TRIO: variants seen among roughly 807,000 people sequenced by gnomAD.
The protein encoded by TRIO is triple functional domain protein.
TRIO carries 58 observed loss-of-function variants against 351.9 expected under a neutral mutation model. The observed-to-expected ratio is 0.16, with a 90% CI of 0.13 to 0.21. TRIO has a LOEUF of 0.21. TRIO is among the 10% of genes least tolerant of loss of function. The pLI is 1.00. For synonymous variants in TRIO, 1,758 were observed against 1,595.7 expected, an observed-to-expected ratio of 1.10 and a Z score of -2.42; for missense variants, 3,201 against 4,027.8, an observed-to-expected ratio of 0.79 and a Z score of 5.56.
intron 27 of TRIO, among the ~76,000 whole-genome samples, chr5:14,391,955 G>T (rs1245329379): frequency 2.0e-5 from 3 of 152,130 alleles, no homozygotes; most frequent in Admixed American, 6.5e-5. Flanking sequence ...GCCTTTTCTT[G>T]TTAATATTTC....
chr5:14,176,242 C>T (rs1031463480), intron 1 of TRIO, among the ~76,000 whole-genome samples: 3 of 152,106 alleles, frequency 2.0e-5, no homozygotes, highest in Admixed American at 6.5e-5. Flanking sequence ...GAAGCTGAGG[C>T]GGGCGGATCA....
intron 34 of TRIO, among the ~76,000 whole-genome samples, chr5:14,434,034 C>G (rs532446720): frequency 6.6e-6 from 1 of 152,206 alleles, no homozygotes; most frequent in Admixed American, 6.5e-5. Flanking sequence ...CTCCTTTTGG[C>G]AGAAATTACT....
chr5:14,293,534 CCTG>C (rs1737088314), intron 6 of TRIO, among the ~76,000 whole-genome samples: 1 of 152,186 alleles, frequency 6.6e-6, no homozygotes, highest in African/African-American at 2.4e-5. Context: ...AAGGAGCAAG[CCTG>C]CTGCTGACCT....
At chr5:14,218,803 T>C (rs1472954725) in intron 1 of TRIO, among the ~76,000 whole-genome samples, 1 of 152,238 alleles carries the variant, frequency 6.6e-6, no homozygotes, top group Non-Finnish European at 1.5e-5. Context: ...CAATTCCTGG[T>C]TGAAACATGG....
intron 47 of TRIO, among the ~76,000 whole-genome samples, chr5:14,486,557 T>A (rs1354376870): frequency 1.3e-5 from 2 of 152,172 alleles, no homozygotes; most frequent in African/African-American, 2.4e-5. Flanking sequence ...TGAGTTCCAA[T>A]CCATAGCTTG....
intron 1 of TRIO, among the ~76,000 whole-genome samples, chr5:14,213,202 A>AT (rs1321449076): frequency 1.3e-5 from 2 of 151,948 alleles, no homozygotes; most frequent in East Asian, 1.9e-4. Flanking sequence ...GGAAAGTACA[A>AT]TTTTTTTCCT....
At chr5:14,380,112 G>T (rs910438935) in intron 20 of TRIO, among the ~76,000 whole-genome samples, 1 of 152,122 alleles carries the variant, frequency 6.6e-6, no homozygotes, top group Non-Finnish European at 1.5e-5. Flanking sequence ...CTGGTCTCCG[G>T]ATTCACAAAT....
Position 14,316,567 on chromosome 5 carries a change from G to A in TRIO, c.1555G>A (p.Gly519Ser), listed in dbSNP as rs753246698. 3.7e-6 allele frequency: 6 copies of A among 1,614,042 alleles called. No individual in the cohort carries two copies. The African/African-American group carries it at 4.0e-5, about 11-fold the overall frequency. Reference sequence around the variant, plus strand: ...CAAGCTCCAGCGGCCCTTGACTCCCGGCAGCTCCGATTCCCTGACAGCCTC... The same window carrying A: ...CAAGCTCCAGCGGCCCTTGACTCCCAGCAGCTCCGATTCCCTGACAGCCTC... The part of the protein sequence containing the change: ...LDKLQRPLTP[G>S]SSDSLTASAN... The change falls in exon 9 of 57, where the codon GGC becomes AGC. Residue 519 changes from glycine (G) to serine (S), a missense_variant. By Grantham distance (56) the Gly-to-Ser change is moderately conservative. Around this residue, in one of 19 missense-constraint regions of TRIO, gnomAD observed 349 missense variants for 449.3 expected, o/e 0.78. Coordinates refer to ENST00000344204, the MANE Select transcript of TRIO (RefSeq NM_007118.4).
chr5:14,388,714 T>C, intron 24 of TRIO, 35 bp downstream of exon 24: 1 of 1,582,282 alleles, frequency 6.3e-7, no homozygotes, highest in Non-Finnish European at 8.6e-7. Context: ...TTTGCTTGTT[T>C]ATTTAGATTG....
chr5:14,234,701 A>G (rs1274341324), intron 1 of TRIO, among the ~76,000 whole-genome samples: 8 of 152,368 alleles, frequency 5.3e-5, no homozygotes, highest in African/African-American at 1.9e-4. Context: ...TTGTGATGCA[A>G]AATGTATTAG....
At chr5:14,248,641 A>G (rs113188450) in intron 1 of TRIO, among the ~76,000 whole-genome samples, 373 of 152,316 alleles carry the variant, frequency 2.4e-3, no homozygotes, top group Middle Eastern at 6.8e-3. Context: ...AGGGCCCCCA[A>G]GTGCTGCCCA....
At chr5:14,173,002 C>T (rs970431944) in intron 1 of TRIO, among the ~76,000 whole-genome samples, 1 of 152,110 alleles carries the variant, frequency 6.6e-6, no homozygotes, top group Non-Finnish European at 1.5e-5. Context: ...CCACCAGCCC[C>T]TCTGATGGCT....
At chr5:14,397,937 G>A (rs1228322807) in intron 29 of TRIO, among the ~76,000 whole-genome samples, 2 of 152,134 alleles carry the variant, frequency 1.3e-5, no homozygotes, top group Admixed American at 1.3e-4. Flanking sequence ...TGTTTTTCTG[G>A]CTGGCTAGGT....
chr5:14,280,570 C>T lies in TRIO; in HGVS notation c.347+134C>T, dbSNP rs1369606233. The T allele has an allele frequency of 4.0e-6, 3 of 748,498 alleles. No homozygotes were observed. In the East Asian group the frequency reaches 8.1e-5, roughly 20 times the overall value. The allele number at this position is 748,498 out of a possible 1,614,324, so 46.4% of individuals were successfully genotyped here. A position where few individuals can be genotyped will look rare whatever the true frequency, so the allele number is the denominator to read the frequency against. On this transcript the variant is annotated intron_variant, in intron 3 of 56. Transcript: ENST00000344204. ...GTATAAAATGAAAGTCATTATCTTT[C>T]ACCTTATTACCATTTTGTGACCATT... is the stretch of plus-strand genomic sequence containing the variant.
intron 1 of TRIO, among the ~76,000 whole-genome samples, chr5:14,154,434 C>T (rs191743711): frequency 1.3e-5 from 2 of 152,244 alleles, no homozygotes; most frequent in Admixed American, 1.3e-4. Flanking sequence ...CTATATATAG[C>T]TGTTTCGTTG....
chr5:14,212,867 A>G (rs1791990620), intron 1 of TRIO, among the ~76,000 whole-genome samples: 2 of 152,080 alleles, frequency 1.3e-5, no homozygotes, highest in East Asian at 1.9e-4. Context: ...ATACTTGTTC[A>G]TTTATTTTCT....
chr5:14,353,729 A>G (rs753237996), intron 11 of TRIO, among the ~76,000 whole-genome samples: 21 of 152,164 alleles, frequency 1.4e-4, no homozygotes, highest in South Asian at 2.1e-4. Context: ...ATTATTGTCT[A>G]TTACCTCCTA....
intron 34 of TRIO, among the ~76,000 whole-genome samples, chr5:14,456,927 C>T (rs967053032): frequency 6.6e-6 from 1 of 152,172 alleles, no homozygotes; most frequent in Non-Finnish European, 1.5e-5. Context: ...TTTTTAAACT[C>T]CTAATGTGTA....
chr5:14,442,454 T>C (rs1473802551), intron 34 of TRIO, among the ~76,000 whole-genome samples: 1 of 152,218 alleles, frequency 6.6e-6, no homozygotes, highest in African/African-American at 2.4e-5. Flanking sequence ...GTGGCGCTGC[T>C]TAACTCTACC....
Sources: gnomAD v4.1 joint callset for allele counts (sites outside exome capture counted in the v4.1 genomes callset) on GRCh38, gnomAD v4.1.1 for gene constraint, gnomAD v4.1.1 regional missense constraint, MANE v1.5 for transcripts, NCBI Gene and HGNC (gene_info 2026-07-23, HGNC 2026-07-21) for gene names.